Variants in TOM1L2 observed in about 807,000 individuals in gnomAD.
TOM1L2 encodes target of myb1 like 2 membrane trafficking protein, also known as TOM1-like protein 2.
A neutral mutation model predicts 67.9 loss-of-function variants in TOM1L2; 31 were observed. The ratio of observed to expected loss-of-function variants is 0.46; its 90% CI spans 0.34 to 0.62. The LOEUF (loss-of-function observed/expected upper bound fraction) is 0.62, where lower values mean the gene tolerates loss of function less well. Ranked by LOEUF, TOM1L2 falls within the 20% of genes least tolerant of loss-of-function variation. The pLI, the probability that TOM1L2 is intolerant of heterozygous loss-of-function variation, is 0.01. For missense variants in TOM1L2, 606 were observed against 663.5 expected, an observed-to-expected ratio of 0.91 and a Z score of 0.95; for synonymous variants, 256 against 254.0, an observed-to-expected ratio of 1.01 and a Z score of -0.07.
rs1568033566 is a variant in TOM1L2 at position 17,847,715 on chromosome 17, T to A, written c.1444A>T (p.Met482Leu). The A allele has an allele frequency of 6.2e-7, 1 of 1,613,880 alleles. No individual in the cohort carries two copies. Among genetic ancestry groups the A allele is most frequent in the Non-Finnish European group, 8.5e-7 (1 of 1,179,968 alleles). ...EMVPDLPSPP[M>L]EAPAPASNPS... is the part of the protein sequence containing the mutation. ...TTTGAGGCTGGGGCAGGAGCCTCCATGGGGGGCGAGGGGAGGTCGGGAACC... is the reference window on the plus strand; with the variant it reads ...TTTGAGGCTGGGGCAGGAGCCTCCAAGGGGGGCGAGGGGAGGTCGGGAACC... Residue 482 changes from methionine to leucine, a missense_variant, in exon 15 of 15, where the codon ATG becomes TTG. Met to Leu is a conservative substitution (Grantham distance 15). Transcript: ENST00000379504.
At chr17:17,942,738 A>G (rs995538733) in intron 1 of TOM1L2, among the ~76,000 whole-genome samples, 2 of 152,238 alleles carry the variant, frequency 1.3e-5, no homozygotes, top group Non-Finnish European at 2.9e-5. Context: ...TATTGTCATT[A>G]CAATGGTACT....
At chr17:17,925,737 C>T (rs1568295780) in intron 1 of TOM1L2, among the ~76,000 whole-genome samples, 1 of 150,908 alleles carries the variant, frequency 6.6e-6, no homozygotes, top group Non-Finnish European at 1.5e-5. Flanking sequence ...TGCCTATAGT[C>T]CCAGCTACTT....
At position 17,884,719 on chromosome 17, in the gene TOM1L2, T is replaced by C. The variant is rs1322878085; in HGVS notation, c.416A>G (p.His139Arg). ...RSSPDLTGVVHIYEELKRKGV... is the reference protein window; with the variant it reads ...RSSPDLTGVVRIYEELKRKGV... ...TTTCCTCTTCAGCTCCTCATATATG[T>C]GCACAACGCCGGTGAGATCAGGACT... Residue 139 changes from histidine (H) to arginine (R), a missense_variant, in exon 5 of 15, where the codon CAC (histidine) becomes CGC (arginine). By Grantham distance (29) the His-to-Arg change is conservative (BLOSUM62 0). Transcript: ENST00000379504. 19 of 1,613,918 alleles carry C rather than the reference T, an allele frequency of 1.2e-5. No homozygotes were observed. Among genetic ancestry groups the C allele is most frequent in the Non-Finnish European group, 1.6e-5 (19 of 1,180,028 alleles).
chr17:17,943,057 T>C (rs1332481566), intron 1 of TOM1L2, among the ~76,000 whole-genome samples: 2 of 152,300 alleles, frequency 1.3e-5, no homozygotes, highest in East Asian at 3.9e-4. Context: ...CAAGATTGGA[T>C]TGGCCAGATG....
intron 2 of TOM1L2, among the ~76,000 whole-genome samples, chr17:17,906,213 C>T (rs538358633): frequency 3.3e-5 from 5 of 151,432 alleles, no homozygotes; most frequent in South Asian, 4.2e-4. Flanking sequence ...ACTGCAGCCT[C>T]GACCTCCTGG....
chr17:17,957,885 T>G (rs2144984226), intron 1 of TOM1L2, among the ~76,000 whole-genome samples: 1 of 151,696 alleles, frequency 6.6e-6, no homozygotes, highest in Admixed American at 6.6e-5. Context: ...GGTCCGGAGA[T>G]CAAGACCATC....
At chr17:17,913,842 T>C (rs1040547718) in intron 1 of TOM1L2, among the ~76,000 whole-genome samples, 1 of 152,182 alleles carries the variant, frequency 6.6e-6, no homozygotes, top group Admixed American at 6.5e-5. Flanking sequence ...CGAGGTTTCA[T>C]TGATTTAATA....
At chr17:17,883,249 G>C (rs1443042383) in intron 5 of TOM1L2, among the ~76,000 whole-genome samples, 1 of 152,212 alleles carries the variant, frequency 6.6e-6, no homozygotes, top group Non-Finnish European at 1.5e-5. Context: ...GGTACCATAA[G>C]AATTACTTTT....
intron 1 of TOM1L2, among the ~76,000 whole-genome samples, chr17:17,934,948 A>G (rs1380295694): frequency 6.6e-6 from 1 of 152,240 alleles, no homozygotes; most frequent in Non-Finnish European, 1.5e-5. Context: ...TTACTCAGCC[A>G]CCGTGCTGCA....
intron 1 of TOM1L2, among the ~76,000 whole-genome samples, chr17:17,929,212 T>C (rs2040225479): frequency 6.6e-6 from 1 of 152,218 alleles, no homozygotes; most frequent in Admixed American, 6.5e-5. Flanking sequence ...GAACTGCCCA[T>C]CTAGACAGAA....
intron 1 of TOM1L2, among the ~76,000 whole-genome samples, chr17:17,946,462 A>G (rs1394410695): frequency 6.6e-6 from 1 of 152,206 alleles, no homozygotes; most frequent in Admixed American, 6.5e-5. Context: ...GCAATCATAC[A>G]ATATATAGCT....
intron 7 of TOM1L2, among the ~76,000 whole-genome samples, chr17:17,873,956 T>C (rs374780153): frequency 2.6e-5 from 4 of 151,606 alleles, no homozygotes; most frequent in East Asian, 3.9e-4. Flanking sequence ...ATTTACTTAC[T>C]TATTTTTTTT....
intron 4 of TOM1L2, among the ~76,000 whole-genome samples, chr17:17,892,825 G>A (rs2038361250): frequency 1.3e-5 from 2 of 152,114 alleles, no homozygotes; most frequent in South Asian, 4.1e-4. Context: ...AGGTCATCAA[G>A]ACCTAATCTT....
At chr17:17,893,561 A>ATT in intron 4 of TOM1L2, 100 bp downstream of exon 4, 18 of 1,067,156 alleles carry the variant, frequency 1.7e-5, no homozygotes, top group South Asian at 3.7e-5. Context: ...AGAAGTCTCC[A>ATT]TTTTTTTTTT....
intron 1 of TOM1L2, among the ~76,000 whole-genome samples, chr17:17,941,028 G>A (rs751615684): frequency 2.0e-5 from 3 of 152,166 alleles, no homozygotes; most frequent in Non-Finnish European, 2.9e-5. Context: ...TTTCTTAGGG[G>A]AAACTACACT....
intron 1 of TOM1L2, among the ~76,000 whole-genome samples, chr17:17,967,669 A>T (rs1321339934): frequency 6.6e-6 from 1 of 152,106 alleles, no homozygotes; most frequent in Non-Finnish European, 1.5e-5. Context: ...TGCAAATGGC[A>T]CGATCTCGGC....
At chr17:17,936,231 C>G (rs1358085685) in intron 1 of TOM1L2, among the ~76,000 whole-genome samples, 2 of 152,172 alleles carry the variant, frequency 1.3e-5, no homozygotes, top group Non-Finnish European at 2.9e-5. Flanking sequence ...GCCTGGATAT[C>G]TAGGACAGTC....
intron 2 of TOM1L2, among the ~76,000 whole-genome samples, chr17:17,899,873 G>A (rs558204022): frequency 1.9e-4 from 29 of 152,334 alleles, no homozygotes; most frequent in Non-Finnish European, 3.8e-4. Flanking sequence ...GTATGAGGAA[G>A]TTGAGGAGGG....
At chr17:17,960,916 A>G (rs532276747) in intron 1 of TOM1L2, among the ~76,000 whole-genome samples, 23 of 152,356 alleles carry the variant, frequency 1.5e-4, no homozygotes, top group Admixed American at 4.6e-4. Context: ...GGAAGGTACA[A>G]GCAACAAAAG....
Sources: allele counts gnomAD v4.1 joint callset (sites outside exome capture counted in the v4.1 genomes callset), GRCh38; gene constraint gnomAD v4.1.1; transcripts MANE v1.5; gene names NCBI Gene and HGNC (gene_info 2026-07-23, HGNC 2026-07-21).